The following PPP2R2C variants were observed in gnomAD, a reference collection of about 807,000 sequenced individuals.
The protein encoded by PPP2R2C is protein phosphatase 2, regulatory subunit B, gamma.
A neutral mutation model predicts 45.3 loss-of-function variants in PPP2R2C; 10 were observed. The observed-to-expected ratio is 0.22, with a 90% CI of 0.14 to 0.37. The LOEUF is 0.37. PPP2R2C is among the 10% of genes least tolerant of loss of function. PPP2R2C has a pLI of 1.00. For missense variants in PPP2R2C, 308 were observed against 619.7 expected (o/e 0.50, Z 5.34); for synonymous variants, 257 against 245.4 (o/e 1.05, Z -0.44).
intron 5 of PPP2R2C, among the ~76,000 whole-genome samples, chr4:6,367,649 A>G (rs1465367496): frequency 6.6e-6 from 1 of 152,096 alleles, no homozygotes; most frequent in African/African-American, 2.4e-5. Flanking sequence ...CTCGGCTGCT[A>G]TCAGTCCTCA....
At chr4:6,442,734 C>A (rs1468995709) in intron 1 of PPP2R2C, among the ~76,000 whole-genome samples, 1 of 152,204 alleles carries the variant, frequency 6.6e-6, no homozygotes, top group African/African-American at 2.4e-5. Context: ...GATGAAGGAA[C>A]TGAGGCATGG....
chr4:6,472,517 G>A lies in PPP2R2C; in HGVS notation c.-288C>T. Reference sequence around the variant, plus strand: ...TGCGCGCTGCGTCCGTGCGCCCGGCGGCGGGGCCTGGTGCCGGTGCGCCTG... The same window carrying A: ...TGCGCGCTGCGTCCGTGCGCCCGGCAGCGGGGCCTGGTGCCGGTGCGCCTG... On this transcript the variant is annotated 5_prime_UTR_variant, in exon 1 of 9. Coordinates refer to ENST00000382599, the MANE Select transcript of PPP2R2C (RefSeq NM_020416.4). 6.4e-6 allele frequency: 1 copy of A among 155,844 alleles called. No homozygotes were observed. Among genetic ancestry groups the A allele is most frequent in the Non-Finnish European group, 1.3e-5 (1 of 74,674 alleles). 9.7% of individuals were successfully genotyped at this position (155,844 alleles called of 1,614,324 possible). A position where few individuals can be genotyped will look rare whatever the true frequency, so the allele number is the denominator to read the frequency against.
chr4:6,409,260 G>A (rs1377347111), intron 1 of PPP2R2C, among the ~76,000 whole-genome samples: 1 of 152,140 alleles, frequency 6.6e-6, no homozygotes, highest in Non-Finnish European at 1.5e-5. Flanking sequence ...TATATCTTAT[G>A]CTTAAAAATA....
intron 1 of PPP2R2C, among the ~76,000 whole-genome samples, chr4:6,397,694 G>A (rs1207824463): frequency 6.6e-6 from 1 of 152,226 alleles, no homozygotes; most frequent in Non-Finnish European, 1.5e-5. Context: ...TTCCTCCTCA[G>A]TTACCTGGGA....
Position 6,539,713 on chromosome 4 carries a change from G to C in PPP2R2C, c.-58-4336C>G, listed in dbSNP as rs1346850457. Among the ~76,000 whole-genome samples, 7 of 152,208 alleles carry C rather than the reference G, an allele frequency of 4.6e-5. No individual in the cohort carries two copies. In the East Asian group the frequency reaches 1.3e-3, roughly 29 times the overall value. On this transcript the variant is annotated intron_variant, in intron 1 of 9. Transcript: ENST00000506140. ...GTGGGGAAATGGAAGAATCAGATCTGGGGTTTGCTGAGTGTCCCTGCAGGC... is the reference window on the plus strand; with the variant it reads ...GTGGGGAAATGGAAGAATCAGATCTCGGGTTTGCTGAGTGTCCCTGCAGGC...
chr4:6,410,840 GTTTTA>G (rs1180757877), intron 1 of PPP2R2C, among the ~76,000 whole-genome samples: 9 of 132,972 alleles, frequency 6.8e-5, no homozygotes, highest in African/African-American at 2.5e-4. Flanking sequence ...TATTCCCCCT[GTTTTA>G]TTTATTTATT....
intron 1 of PPP2R2C, among the ~76,000 whole-genome samples, chr4:6,436,911 T>C (rs1719924866): frequency 6.6e-6 from 1 of 152,092 alleles, no homozygotes; most frequent in African/African-American, 2.4e-5. Flanking sequence ...TGCCCAGTTG[T>C]CTTTGACTAA....
At chr4:6,373,730 C>T (rs1715051723) in intron 4 of PPP2R2C, among the ~76,000 whole-genome samples, 1 of 152,212 alleles carries the variant, frequency 6.6e-6, no homozygotes, top group Admixed American at 6.5e-5. Context: ...AAGCACTGAG[C>T]TCCTTTGGAG....
intron 1 of PPP2R2C, among the ~76,000 whole-genome samples, chr4:6,394,584 A>G (rs576638458): frequency 1.3e-5 from 2 of 152,334 alleles, no homozygotes; most frequent in South Asian, 2.1e-4. Flanking sequence ...CAAAATGGCA[A>G]TAAGAGTCAC....
chr4:6,397,423 C>A (rs931576372), intron 1 of PPP2R2C, among the ~76,000 whole-genome samples: 1 of 152,220 alleles, frequency 6.6e-6, no homozygotes, highest in African/African-American at 2.4e-5. Flanking sequence ...CCCTGCGCTG[C>A]GGGGGTCTCC....
chr4:6,534,819 C>T (rs1724546470), intron 2 of PPP2R2C, among the ~76,000 whole-genome samples: 1 of 152,230 alleles, frequency 6.6e-6, no homozygotes, highest in Admixed American at 6.5e-5. Context: ...AACAGACTGA[C>T]TCTGTCTGTC....
intron 1 of PPP2R2C, among the ~76,000 whole-genome samples, chr4:6,548,714 C>T (rs1725077515): frequency 6.6e-6 from 1 of 152,166 alleles, no homozygotes; most frequent in Non-Finnish European, 1.5e-5. Flanking sequence ...TGGGCAGGCC[C>T]TAGAAATCCC....
intron 5 of PPP2R2C, among the ~76,000 whole-genome samples, chr4:6,357,876 T>A (rs947781494): frequency 1.3e-5 from 2 of 152,092 alleles, no homozygotes; most frequent in Non-Finnish European, 2.9e-5. Flanking sequence ...GGAGGTGTGA[T>A]CCACACAGGC....
At chr4:6,560,930 A>C (rs1332464445) in intron 1 of PPP2R2C, among the ~76,000 whole-genome samples, 1 of 151,816 alleles carries the variant, frequency 6.6e-6, no homozygotes, top group Non-Finnish European at 1.5e-5. Flanking sequence ...CCTGGACCCC[A>C]CCCTTCCTCC....
intron 5 of PPP2R2C, chr4:6,349,936 G>T: frequency 1.0e-6 from 1 of 985,290 alleles, no homozygotes; most frequent in Non-Finnish European, 1.2e-6. Context: ...AAACCCGAGG[G>T]TTTATAAAAT....
At chr4:6,347,547 G>C (rs1712103187) in intron 6 of PPP2R2C, among the ~76,000 whole-genome samples, 2 of 152,112 alleles carry the variant, frequency 1.3e-5, no homozygotes, top group South Asian at 4.1e-4. Context: ...TCCTACAGGA[G>C]GTGACATTTA....
chr4:6,337,069 T>A (rs1732998477), intron 6 of PPP2R2C, among the ~76,000 whole-genome samples: 1 of 105,750 alleles, frequency 9.5e-6, no homozygotes, highest in African/African-American at 3.3e-5. Flanking sequence ...TGTGCCCCGA[T>A]AATAATAATT....
intron 2 of PPP2R2C, among the ~76,000 whole-genome samples, chr4:6,529,525 CTG>C (rs71970645): frequency 0.12 from 18,142 of 152,194 alleles, 1,484 homozygotes; most frequent in African/African-American, 0.22. Flanking sequence ...GATGAGAAAA[CTG>C]AGGATTCTTG....
chr4:6,561,015 C>T (rs762683194), intron 1 of PPP2R2C, among the ~76,000 whole-genome samples: 2 of 152,230 alleles, frequency 1.3e-5, no homozygotes, highest in Non-Finnish European at 2.9e-5. Flanking sequence ...TGTATGCACC[C>T]CAGTGCATCC....
Sources: gnomAD v4.1 joint callset for allele counts (sites outside exome capture counted in the v4.1 genomes callset) on GRCh38, gnomAD v4.1.1 for gene constraint, MANE v1.5 for transcripts, NCBI Gene and HGNC (gene_info 2026-07-23, HGNC 2026-07-21) for gene names.